Variants in MEGF11 observed in about 807,000 individuals in gnomAD.
MEGF11 encodes multiple EGF like domains 11, also known as multiple epidermal growth factor-like domains protein 11.
Under a neutral mutation model 146.6 loss-of-function variants are expected in MEGF11, and 126 were observed. That is an observed-to-expected ratio of 0.86 (90% CI 0.74 to 1.00). The LOEUF (loss-of-function observed/expected upper bound fraction) is 1.00. MEGF11 is among the 50% of genes least tolerant of loss of function. The pLI is 0.00. For synonymous variants in MEGF11, 532 were observed against 583.4 expected, an observed-to-expected ratio of 0.91 and a Z score of 1.27; for missense variants, 1,509 against 1,521.2, an observed-to-expected ratio of 0.99 and a Z score of 0.13.
chr15:66,247,206 G>A (rs2092307999), intron 1 of MEGF11, among the ~76,000 whole-genome samples: 1 of 152,120 alleles, frequency 6.6e-6, no homozygotes, highest in Non-Finnish European at 1.5e-5. Context: ...ATAATGGTGG[G>A]TCTGCAAGTC....
chr15:66,194,372 G>GTCCAC (rs1184053338), intron 1 of MEGF11, among the ~76,000 whole-genome samples: 33 of 152,192 alleles, frequency 2.2e-4, no homozygotes, highest in African/African-American at 8.0e-4. Flanking sequence ...ACTTTGGGAG[G>GTCCAC]CTGAGGTGGG....
rs187651488 is a variant in MEGF11 at position 65,978,513 on chromosome 15, A to G, written c.762+2265T>C. ...TCTTGCTGTGCTGGGGAGAAATACA[A>G]TCCCTCCATGTGTTTGCTTCTCACC... On this transcript the variant is annotated intron_variant, in intron 7 of 25. Coordinates refer to ENST00000395614, the MANE Select transcript of MEGF11 (RefSeq NM_001385028.1). Among the ~76,000 whole-genome samples, 22 of 152,290 alleles carry G rather than the reference A, an allele frequency of 1.4e-4. No homozygotes were observed. In the East Asian group the frequency reaches 4.1e-3, roughly 28 times the overall value.
At chr15:66,013,314 G>A (rs1403425805) in intron 5 of MEGF11, among the ~76,000 whole-genome samples, 1 of 152,194 alleles carries the variant, frequency 6.6e-6, no homozygotes, top group Non-Finnish European at 1.5e-5. Flanking sequence ...CAGGCTCTGT[G>A]CTTGCTTTGC....
intron 5 of MEGF11, among the ~76,000 whole-genome samples, chr15:66,092,582 A>G (rs980907545): frequency 4.6e-5 from 7 of 152,148 alleles, no homozygotes; most frequent in Non-Finnish European, 8.8e-5. Flanking sequence ...GGCAAGTCAT[A>G]CTCTAAACTG....
intron 1 of MEGF11, among the ~76,000 whole-genome samples, chr15:66,194,955 A>C (rs2090973546): frequency 6.6e-6 from 1 of 152,188 alleles, no homozygotes; most frequent in South Asian, 2.1e-4. Context: ...AACCAGGCTA[A>C]GCCTGGGTTA....
At chr15:66,031,190 C>T (rs767146307) in intron 5 of MEGF11, among the ~76,000 whole-genome samples, 2 of 152,220 alleles carry the variant, frequency 1.3e-5, no homozygotes, top group African/African-American at 4.8e-5. Flanking sequence ...AAGGTCCCTT[C>T]ACTTTTTCCA....
At chr15:65,968,759 A>C (rs767805178) in intron 8 of MEGF11, among the ~76,000 whole-genome samples, 3 of 152,194 alleles carry the variant, frequency 2.0e-5, no homozygotes, top group Admixed American at 1.3e-4. Flanking sequence ...CAATATTGCC[A>C]TTAACAACCA....
At chr15:66,043,628 C>T (rs930947350) in intron 5 of MEGF11, among the ~76,000 whole-genome samples, 2 of 152,360 alleles carry the variant, frequency 1.3e-5, no homozygotes, top group African/African-American at 4.8e-5. Context: ...GAACGTCCTA[C>T]CCAGAAGAAC....
chr15:65,958,652 A>G (rs2080746612), intron 9 of MEGF11, among the ~76,000 whole-genome samples: 1 of 152,132 alleles, frequency 6.6e-6, no homozygotes, highest in African/African-American at 2.4e-5. Flanking sequence ...AAGATACCCC[A>G]TCCTGGCAAA....
At chr15:66,253,100 C>T (rs1003945735) in intron 1 of MEGF11, among the ~76,000 whole-genome samples, 1 of 152,244 alleles carries the variant, frequency 6.6e-6, no homozygotes, top group African/African-American at 2.4e-5. Flanking sequence ...CGGGGCGCAT[C>T]GCCGGCCGCC....
At chr15:66,113,538 C>T (rs1259924762) in intron 4 of MEGF11, among the ~76,000 whole-genome samples, 2 of 152,184 alleles carry the variant, frequency 1.3e-5, no homozygotes, top group Non-Finnish European at 2.9e-5. Context: ...TGCTGCCGCC[C>T]GCAGCAGAAG....
At chr15:66,022,617 T>C (rs1301594457) in intron 5 of MEGF11, among the ~76,000 whole-genome samples, 1 of 152,110 alleles carries the variant, frequency 6.6e-6, no homozygotes, top group Admixed American at 6.5e-5. Context: ...TTGAGGCCAG[T>C]AGTTTGGGAC....
chr15:66,070,385 C>T (rs1374616037), intron 5 of MEGF11, among the ~76,000 whole-genome samples: 4 of 152,228 alleles, frequency 2.6e-5, no homozygotes, highest in African/African-American at 9.6e-5. Flanking sequence ...CAACCAAAGG[C>T]CAACTGCCCA....
intron 1 of MEGF11, among the ~76,000 whole-genome samples, chr15:66,215,504 T>C (rs773598510): frequency 1.6e-4 from 24 of 152,184 alleles, no homozygotes; most frequent in Admixed American, 5.9e-4. Flanking sequence ...AAATGACTGA[T>C]AGTCTTGATG....
Position 65,970,692 on chromosome 15 carries a change from AAAAG to A in MEGF11, c.763-7_763-4del. 6.2e-7 allele frequency: 1 copy of A among 1,608,314 alleles called. No individual in the cohort carries two copies. Among genetic ancestry groups the A allele is most frequent in the Non-Finnish European group, 8.5e-7 (1 of 1,177,288 alleles). ...CAGGGCTGGGCACACACTGCTCCCT[AAAAG>A]AAAGGTGGGAAGACATGCATGGCGG... is the stretch of plus-strand genomic sequence containing the variant. On this transcript the variant is annotated splice_polypyrimidine_tract_variant and splice_region_variant and intron_variant, in intron 7 of 25. Coordinates refer to ENST00000395614, the MANE Select transcript of MEGF11 (RefSeq NM_001385028.1).
At chr15:65,954,011 G>T (rs1263463683) in intron 10 of MEGF11, among the ~76,000 whole-genome samples, 1 of 152,046 alleles carries the variant, frequency 6.6e-6, no homozygotes, top group Non-Finnish European at 1.5e-5. Flanking sequence ...CTGAGGATGC[G>T]GTTTCACATC....
intron 5 of MEGF11, among the ~76,000 whole-genome samples, chr15:66,005,869 C>T (rs570195316): frequency 2.6e-5 from 4 of 152,192 alleles, no homozygotes; most frequent in African/African-American, 4.8e-5. Context: ...GAAGAGTAGC[C>T]GGGCTCAAGT....
chr15:65,917,024 G>C, intron 16 of MEGF11, 68 bp from the exon 17 acceptor site: 2 of 1,421,936 alleles, frequency 1.4e-6, no homozygotes, highest in Non-Finnish European at 9.3e-7. Flanking sequence ...GGGAGAAGAA[G>C]GGGGAGTACA....
At chr15:66,108,327 C>T (rs2087202801) in intron 4 of MEGF11, among the ~76,000 whole-genome samples, 1 of 152,274 alleles carries the variant, frequency 6.6e-6, no homozygotes, top group East Asian at 1.9e-4. Context: ...TCCAATTTTC[C>T]AAGGCTATTT....
Sources: allele counts gnomAD v4.1 joint callset (sites outside exome capture counted in the v4.1 genomes callset), GRCh38; gene constraint gnomAD v4.1.1; transcripts MANE v1.5; gene names NCBI Gene and HGNC (gene_info 2026-07-23, HGNC 2026-07-21).